Variants in SLC16A2 observed in about 807,000 individuals in gnomAD.
SLC16A2 encodes solute carrier family 16 member 2.
Under a neutral mutation model 27.2 loss-of-function variants are expected in SLC16A2, and 3 were observed. The observed-to-expected ratio is 0.11, with a 90% CI of 0.05 to 0.28. The LOEUF (loss-of-function observed/expected upper bound fraction) is 0.28. SLC16A2 is among the 10% of genes least tolerant of loss of function. The probability of loss-of-function intolerance (pLI) is 1.00; values close to 1 mark genes in which losing one functional copy is unlikely to be tolerated. For synonymous variants in SLC16A2, 202 were observed against 187.8 expected (o/e 1.08, Z -0.62); for missense variants, 295 against 458.5 (o/e 0.64, Z 3.26).
At chrX:74,460,892 C>A (rs757532108) in intron 1 of SLC16A2, among the ~76,000 whole-genome samples, 1 of 111,307 alleles carries the variant, frequency 9.0e-6, no homozygotes, top group Non-Finnish European at 1.9e-5. Context: ...ACCTCGTGAT[C>A]CACCTGCCTC....
At chrX:74,509,167 T>C (rs1930185125) in intron 1 of SLC16A2, among the ~76,000 whole-genome samples, 1 of 111,071 alleles carries the variant, frequency 9.0e-6, no homozygotes, top group African/African-American at 3.3e-5. Context: ...TCTCACTATG[T>C]TGCCCAGGCT....
At chrX:74,494,220 A>G (rs559568308) in intron 1 of SLC16A2, among the ~76,000 whole-genome samples, 2 of 112,340 alleles carry the variant, frequency 1.8e-5, no homozygotes, top group African/African-American at 6.5e-5. Context: ...AAGGACAGAT[A>G]TGCCACAATT....
chrX:74,496,472 C>G (rs1929938604), intron 1 of SLC16A2, among the ~76,000 whole-genome samples: 1 of 112,016 alleles, frequency 8.9e-6, no homozygotes, highest in Admixed American at 9.4e-5. Context: ...TCAGCCCTCT[C>G]TCTCAGGAAC....
At chrX:74,424,877 G>A (rs868368549) in intron 1 of SLC16A2, among the ~76,000 whole-genome samples, 1 of 111,545 alleles carries the variant, frequency 9.0e-6, no homozygotes, top group Non-Finnish European at 1.9e-5. Context: ...TTTATTTTTA[G>A]AGATGGGATC....
chrX:74,432,676 A>ACCTGG (rs1470972981), intron 1 of SLC16A2, among the ~76,000 whole-genome samples: 6 of 111,716 alleles, frequency 5.4e-5, no homozygotes, highest in Non-Finnish European at 7.5e-5. Flanking sequence ...AAAAACTGAG[A>ACCTGG]CCTGGAAAGA....
intron 1 of SLC16A2, 87 bp downstream of exon 1, chrX:74,422,154 C>T (rs1340210834): frequency 2.1e-6 from 2 of 960,765 alleles, no homozygotes; most frequent in Non-Finnish European, 2.9e-6. Flanking sequence ...CGGTCCGAGG[C>T]GCCCCTCCAA....
chrX:74,513,272 G>A (rs763233031), intron 1 of SLC16A2, among the ~76,000 whole-genome samples: 6 of 111,712 alleles, frequency 5.4e-5, no homozygotes, highest in Non-Finnish European at 1.1e-4. Context: ...AGAAAGATAG[G>A]TCTGTACATT....
In SLC16A2 at chrX:74,489,959, G is replaced by A. The variant is rs891538485; in HGVS notation, c.431-31031G>A. Reference sequence around the variant, plus strand: ...TGAAATTATAGAAGTCTATTATAAAGGTCACACACATACACACACACACAC... The same window carrying A: ...TGAAATTATAGAAGTCTATTATAAAAGTCACACACATACACACACACACAC... On this transcript the variant is annotated intron_variant, in intron 1 of 5. Transcript: ENST00000587091. Among the ~76,000 whole-genome samples, 15 of 40,824 alleles carry A rather than the reference G, an allele frequency of 3.7e-4. No homozygotes were observed. The Admixed American group carries it at 5.2e-3, about 14-fold the overall frequency. 35.5% of individuals were successfully genotyped at this position (40,824 alleles called of 115,157 possible).
At chrX:74,470,989 C>A (rs760993306) in intron 1 of SLC16A2, among the ~76,000 whole-genome samples, 1 of 112,030 alleles carries the variant, frequency 8.9e-6, no homozygotes, top group African/African-American at 3.2e-5. Context: ...TTTAAGAGTT[C>A]TTTGTATATA....
chrX:74,506,937 A>T (rs868104407), intron 1 of SLC16A2, among the ~76,000 whole-genome samples: 1,589 of 84,008 alleles, frequency 0.019, 25 homozygotes, highest in African/African-American at 0.035. Context: ...TTATTTATTT[A>T]TTTTTTTTTT....
intron 1 of SLC16A2, 85 bp from the exon 2 acceptor site, chrX:74,520,905 G>C: frequency 9.3e-7 from 1 of 1,071,347 alleles, no homozygotes; most frequent in Non-Finnish European, 1.3e-6. Flanking sequence ...CCCTGTGAAA[G>C]GCCAGAGAAG....
At chrX:74,429,681 C>T (rs984546047) in intron 1 of SLC16A2, among the ~76,000 whole-genome samples, 4 of 112,183 alleles carry the variant, frequency 3.6e-5, no homozygotes, top group Admixed American at 9.4e-5. Context: ...TGCATGCACT[C>T]ATGTGTCCAG....
In SLC16A2 at chrX:74,435,944, C is replaced by T. The variant is rs773713761; in HGVS notation, c.430+13877C>T. On this transcript the variant is annotated intron_variant, in intron 1 of 5. Coordinates refer to ENST00000587091, the MANE Select transcript of SLC16A2 (RefSeq NM_006517.5). ...TTATGCATTGAGAAAGTTGAACTTC[C>T]CAGAGACTTAGTGACACTTAGAACC... Among the ~76,000 whole-genome samples the T allele has an allele frequency of 2.0e-4, 22 of 110,549 alleles. 1 individual carries two copies. The highest frequency in any genetic ancestry group is 4.0e-4 in the Non-Finnish European group (21 of 52,934).
intron 5 of SLC16A2, 106 bp from the exon 6 acceptor site, chrX:74,531,227 C>A (rs1220073011): frequency 1.5e-6 from 1 of 665,092 alleles, no homozygotes; most frequent in African/African-American, 2.1e-5. Flanking sequence ...GCAATACACG[C>A]CAAGATTATC....
intron 5 of SLC16A2, 103 bp from the exon 6 acceptor site, chrX:74,531,230 A>G (rs1930563491): frequency 4.4e-6 from 3 of 680,284 alleles, no homozygotes; most frequent in South Asian, 4.5e-5. Context: ...ATACACGCCA[A>G]GATTATCTGG....
intron 1 of SLC16A2, among the ~76,000 whole-genome samples, chrX:74,479,739 C>T (rs139792920): frequency 0.016 from 1,837 of 111,936 alleles, 38 homozygotes; most frequent in African/African-American, 0.056. Context: ...TGGAGTTTGC[C>T]GGAGGTCCAC....
intron 1 of SLC16A2, among the ~76,000 whole-genome samples, chrX:74,500,826 A>G (rs946206630): frequency 1.8e-5 from 2 of 111,206 alleles, no homozygotes; most frequent in African/African-American, 3.3e-5. Context: ...TGCAGAACTC[A>G]AAGTAAGGTT....
chrX:74,480,079 A>T (rs752536075), intron 1 of SLC16A2, among the ~76,000 whole-genome samples: 3 of 112,404 alleles, frequency 2.7e-5, no homozygotes, highest in African/African-American at 9.7e-5. Context: ...CTGCCCCCAG[A>T]GGTGGAGTCT....
chrX:74,518,062 T>C (rs1266300856), intron 1 of SLC16A2, among the ~76,000 whole-genome samples: 3 of 111,893 alleles, frequency 2.7e-5, no homozygotes, highest in Non-Finnish European at 5.6e-5. Context: ...TGCACAATTA[T>C]GAAAAAAAAA....
Sources: allele counts gnomAD v4.1 joint callset (sites outside exome capture counted in the v4.1 genomes callset), GRCh38; gene constraint gnomAD v4.1.1; transcripts MANE v1.5; gene names NCBI Gene and HGNC (gene_info 2026-07-23, HGNC 2026-07-21).